The following SLC25A48 variants were observed in gnomAD, a reference collection of about 807,000 sequenced individuals.
The protein encoded by SLC25A48 is solute carrier family 25 member 48, also known as CTC-321K16.1.
SLC25A48 carries 29 observed loss-of-function variants against 32.2 expected under a neutral mutation model. That is an observed-to-expected ratio of 0.90 (90% CI 0.67 to 1.23). The LOEUF (loss-of-function observed/expected upper bound fraction) is 1.23. SLC25A48 is among the 50% of genes most tolerant of loss of function. SLC25A48 has a pLI of 0.00. For synonymous variants in SLC25A48, 164 were observed against 172.3 expected, an observed-to-expected ratio of 0.95 and a Z score of 0.38; for missense variants, 399 against 422.7, an observed-to-expected ratio of 0.94 and a Z score of 0.49.
At chr5:135,841,716 G>T (rs985905816) in intron 1 of SLC25A48, among the ~76,000 whole-genome samples, 1 of 149,374 alleles carries the variant, frequency 6.7e-6, no homozygotes, top group Non-Finnish European at 1.5e-5. Flanking sequence ...TGGGTGGGGG[G>T]TATAAAACAG....
At chr5:135,621,819 A>G (rs1437975595) in intron 1 of SLC25A48, among the ~76,000 whole-genome samples, 1 of 152,208 alleles carries the variant, frequency 6.6e-6, no homozygotes, top group Non-Finnish European at 1.5e-5. Flanking sequence ...AGAGTAGAGA[A>G]TCTAGTTCTC....
At position 135,856,918 on chromosome 5, in the gene SLC25A48, C is replaced by T. The variant is rs143412542; in HGVS notation, c.421+4097C>T. ...CCTTAGGGGAAAGGAAATCTCCATA[C>T]GTCTTAAAACTGTTTGGGGTTCGGT... On this transcript the variant is annotated intron_variant, in intron 4 of 7. Transcript: ENST00000681962. 3.5e-3 allele frequency among the ~76,000 whole-genome samples: 536 copies of T among 152,322 alleles called. 2 individuals are homozygous for T. The highest frequency in any genetic ancestry group is 6.8e-3 in the Middle Eastern group (2 of 294).
chr5:135,838,147 T>G (rs1265469650), intron 1 of SLC25A48, among the ~76,000 whole-genome samples: 1 of 152,214 alleles, frequency 6.6e-6, no homozygotes, highest in East Asian at 1.9e-4. Flanking sequence ...CTTGCTATGT[T>G]TTAGCAAAGA....
intron 3 of SLC25A48, among the ~76,000 whole-genome samples, chr5:135,851,387 C>T (rs896093104): frequency 9.8e-5 from 15 of 152,306 alleles, no homozygotes; most frequent in Admixed American, 3.3e-4. Context: ...CCCCTGAAAG[C>T]GGCTGTTGAT....
intron 3 of SLC25A48, chr5:135,649,032 G>A (rs1016751406): frequency 2.0e-5 from 3 of 152,272 alleles, no homozygotes; most frequent in Admixed American, 6.5e-5. Flanking sequence ...GCTTCCCTCT[G>A]GGAGAGCCCT....
intron 3 of SLC25A48, among the ~76,000 whole-genome samples, chr5:135,695,685 T>C (rs897735839): frequency 2.0e-5 from 3 of 152,214 alleles, no homozygotes; most frequent in African/African-American, 7.2e-5. Context: ...TCTCCTGTGC[T>C]GGAGGCGGCT....
intron 3 of SLC25A48, among the ~76,000 whole-genome samples, chr5:135,713,920 G>A (rs1298747442): frequency 6.6e-6 from 1 of 152,156 alleles, no homozygotes; most frequent in Non-Finnish European, 1.5e-5. Flanking sequence ...AACCATGCAG[G>A]GAGCTGTTCC....
At chr5:135,847,547 A>G (rs1759522681) in intron 2 of SLC25A48, among the ~76,000 whole-genome samples, 1 of 152,200 alleles carries the variant, frequency 6.6e-6, no homozygotes, top group Non-Finnish European at 1.5e-5. Flanking sequence ...GGATCTTGAG[A>G]TGGGAGGATG....
chr5:135,717,850 G>A (rs1029521424), intron 3 of SLC25A48, among the ~76,000 whole-genome samples: 1 of 152,182 alleles, frequency 6.6e-6, no homozygotes, highest in African/African-American at 2.4e-5. Flanking sequence ...GTCAGTTCTG[G>A]TCCTTTGCTG....
chr5:135,760,735 G>A (rs1280345574), intron 3 of SLC25A48, among the ~76,000 whole-genome samples: 3 of 152,172 alleles, frequency 2.0e-5, no homozygotes, highest in African/African-American at 7.2e-5. Context: ...ATTTTCCTAA[G>A]CAAGGTGGGG....
At chr5:135,831,942 C>T (rs796744979), upstream of SLC25A48, among the ~76,000 whole-genome samples, 10 of 152,258 alleles carry the variant, frequency 6.6e-5, no homozygotes, top group African/African-American at 2.4e-4. Context: ...GCAATGAGGG[C>T]TGGGTGTCAT....
At chr5:135,768,821 G>A (rs1026280167) in intron 3 of SLC25A48, among the ~76,000 whole-genome samples, 12 of 151,738 alleles carry the variant, frequency 7.9e-5, no homozygotes, top group Non-Finnish European at 1.8e-4. Context: ...AAAAGAGGAT[G>A]ATATTACTCG....
chr5:135,784,493 C>T (rs1351586353), intron 3 of SLC25A48, among the ~76,000 whole-genome samples: 1 of 117,254 alleles, frequency 8.5e-6, no homozygotes, highest in Non-Finnish European at 2.1e-5. Flanking sequence ...AGTGCACATT[C>T]CCTGTGTGAT....
chr5:135,580,848 T>C (rs923095454), intron 1 of SLC25A48, among the ~76,000 whole-genome samples: 1 of 152,170 alleles, frequency 6.6e-6, no homozygotes, highest in Admixed American at 6.5e-5. Context: ...CTGCATGTAG[T>C]CTTTAATAAC....
At chr5:135,672,558 A>T (rs1753680822) in intron 3 of SLC25A48, among the ~76,000 whole-genome samples, 1 of 152,158 alleles carries the variant, frequency 6.6e-6, no homozygotes, top group African/African-American at 2.4e-5. Context: ...TCTAGCTGCT[A>T]ATCAGTAAGA....
rs114148588 is a variant in SLC25A48 at position 135,596,835 on chromosome 5, C to T, written c.-849+17238C>T. On this transcript the variant is annotated intron_variant, in intron 1 of 10. Coordinates refer to the SLC25A48 transcript ENST00000646290. The stretch of plus-strand genomic sequence containing the variant: ...CATTTTGGTAGCCTCCAAATGACCA[C>T]GGGACAGCCTTTGGGAGACAGTTCT... 3.1e-3 allele frequency among the ~76,000 whole-genome samples: 467 copies of T among 152,260 alleles called. 2 individuals carry two copies. The highest frequency in any genetic ancestry group is 0.011 in the African/African-American group (437 of 41,540).
rs374997908 is a variant in SLC25A48 at position 135,735,687 on chromosome 5, G to A, written c.-520-76836G>A. ...GGAGGTCTGGTTCATGGAGCCAGCG[G>A]TTGTCAGTGTGAGATTGGGCCAGAG... On this transcript the variant is annotated intron_variant, in intron 3 of 10. Coordinates refer to the SLC25A48 transcript ENST00000646290. 3.9e-5 allele frequency among the ~76,000 whole-genome samples: 6 copies of A among 152,280 alleles called. No homozygotes were observed. The East Asian group carries it at 1.2e-3, about 29-fold the overall frequency.
intron 3 of SLC25A48, among the ~76,000 whole-genome samples, chr5:135,738,507 CATCT>C (rs10579430): frequency 0.37 from 56,549 of 151,734 alleles, 12,396 homozygotes; most frequent in Non-Finnish European, 0.49. Context: ...GGACCCAAAG[CATCT>C]CCTTTACTCC....
intron 3 of SLC25A48, among the ~76,000 whole-genome samples, chr5:135,675,776 G>A (rs953429186): frequency 6.6e-6 from 1 of 151,964 alleles, no homozygotes. Context: ...CATTAAATCT[G>A]TAGATTGCTT....
Sources: gnomAD v4.1 joint callset for allele counts (sites outside exome capture counted in the v4.1 genomes callset) on GRCh38, gnomAD v4.1.1 for gene constraint, MANE v1.5 for transcripts, NCBI Gene and HGNC (gene_info 2026-07-23, HGNC 2026-07-21) for gene names.